The following BNC2 variants were observed in gnomAD, a reference collection of about 807,000 sequenced individuals.
BNC2 encodes basonuclin zinc finger protein 2.
A neutral mutation model predicts 76.3 loss-of-function variants in BNC2; 20 were observed. The ratio of observed to expected loss-of-function variants is 0.26; its 90% CI spans 0.18 to 0.38. The LOEUF (loss-of-function observed/expected upper bound fraction) is 0.38, where lower values mean the gene tolerates loss of function less well. Among genes scored for constraint, BNC2 ranks in the 10% least tolerant of loss-of-function variants. The pLI, the probability that BNC2 is intolerant of heterozygous loss-of-function variation, is 1.00. For missense variants in BNC2, 1,382 were observed against 1,399.8 expected (o/e 0.99, Z 0.20); for synonymous variants, 582 against 514.8 (o/e 1.13, Z -1.77).
chr9:16,657,774 C>T (rs889881169), intron 3 of BNC2, among the ~76,000 whole-genome samples: 1 of 152,128 alleles, frequency 6.6e-6, no homozygotes, highest in Non-Finnish European at 1.5e-5. Flanking sequence ...CATACAAATA[C>T]ACAAATGCAT....
chr9:16,846,830 G>T (rs752149861), intron 1 of BNC2, among the ~76,000 whole-genome samples: 7 of 152,150 alleles, frequency 4.6e-5, no homozygotes, highest in Non-Finnish European at 8.8e-5. Flanking sequence ...TGAGTAAAAA[G>T]AAATCCTATA....
chr9:16,558,514 C>A (rs911066899), intron 4 of BNC2, among the ~76,000 whole-genome samples: 1 of 152,194 alleles, frequency 6.6e-6, no homozygotes, highest in African/African-American at 2.4e-5. Context: ...CCTTGTCCCT[C>A]CACTACCTCT....
intron 3 of BNC2, among the ~76,000 whole-genome samples, chr9:16,706,500 A>T (rs1393049079): frequency 6.6e-6 from 1 of 152,228 alleles, no homozygotes; most frequent in African/African-American, 2.4e-5. Context: ...TAACAAATGA[A>T]GAACATCTTA....
At chr9:16,542,684 A>T (rs1311001171) in intron 5 of BNC2, among the ~76,000 whole-genome samples, 2 of 152,242 alleles carry the variant, frequency 1.3e-5, no homozygotes, top group Non-Finnish European at 2.9e-5. Flanking sequence ...GATGTGGCCT[A>T]ACCATGCATG....
chr9:16,613,560 G>A (rs1055051153), intron 3 of BNC2, among the ~76,000 whole-genome samples: 1 of 152,158 alleles, frequency 6.6e-6, no homozygotes, highest in Non-Finnish European at 1.5e-5. Context: ...TTTCTGAAAA[G>A]GAGATCAGCT....
chr9:16,474,243 G>GA (rs1343050148), intron 5 of BNC2, among the ~76,000 whole-genome samples: 1 of 152,192 alleles, frequency 6.6e-6, no homozygotes, highest in East Asian at 1.9e-4. Flanking sequence ...TATCTCCCAG[G>GA]AAAAAATAAA....
intron 3 of BNC2, among the ~76,000 whole-genome samples, chr9:16,634,590 C>G (rs906683198): frequency 6.6e-6 from 1 of 151,390 alleles, no homozygotes; most frequent in African/African-American, 2.4e-5. Flanking sequence ...CAAGCTCTGC[C>G]TCCCGGATTC....
At chr9:16,744,663 T>G (rs899650992) in intron 1 of BNC2, among the ~76,000 whole-genome samples, 7 of 152,106 alleles carry the variant, frequency 4.6e-5, no homozygotes, top group Non-Finnish European at 1.0e-4. Context: ...GGTTTAAATA[T>G]GACAATGAGA....
At chr9:16,858,864 G>T (rs1462257784) in intron 1 of BNC2, among the ~76,000 whole-genome samples, 1 of 151,034 alleles carries the variant, frequency 6.6e-6, no homozygotes, top group Non-Finnish European at 1.5e-5. Flanking sequence ...AAGAAAAAAA[G>T]AAAAAAGAAA....
At chr9:16,598,173 T>C (rs750996938) in intron 3 of BNC2, among the ~76,000 whole-genome samples, 1 of 152,216 alleles carries the variant, frequency 6.6e-6, no homozygotes, top group Non-Finnish European at 1.5e-5. Flanking sequence ...TTCTAAGAAA[T>C]TGAAATCTGC....
intron 1 of BNC2, among the ~76,000 whole-genome samples, chr9:16,758,360 G>A (rs1202949183): frequency 2.1e-5 from 3 of 142,296 alleles, no homozygotes; most frequent in Middle Eastern, 3.4e-3. Context: ...TTTTTTTTTA[G>A]ATGGAGTTTC....
At chr9:16,581,605 T>C (rs1036971445) in intron 4 of BNC2, among the ~76,000 whole-genome samples, 2 of 152,152 alleles carry the variant, frequency 1.3e-5, no homozygotes, top group Admixed American at 1.3e-4. Flanking sequence ...CACTTTGATC[T>C]TGGAATTCTA....
At chr9:16,652,229 T>C (rs566682860) in intron 3 of BNC2, among the ~76,000 whole-genome samples, 6 of 152,334 alleles carry the variant, frequency 3.9e-5, no homozygotes, top group Non-Finnish European at 7.4e-5. Context: ...AATTGAGTCA[T>C]TGTTTTCAGA....
intron 3 of BNC2, among the ~76,000 whole-genome samples, chr9:16,616,716 G>A (rs1176833191): frequency 6.9e-6 from 1 of 145,050 alleles, no homozygotes; most frequent in African/African-American, 2.5e-5. Flanking sequence ...AAAAATTAAT[G>A]AATGAAAGAA....
At chr9:16,555,864 A>C (rs949370964) in intron 4 of BNC2, among the ~76,000 whole-genome samples, 1 of 152,196 alleles carries the variant, frequency 6.6e-6, no homozygotes, top group East Asian at 1.9e-4. Context: ...TCAACAACTT[A>C]TTCTATAAAG....
chr9:16,691,185 A>G (rs541974392), intron 3 of BNC2, among the ~76,000 whole-genome samples: 2 of 152,340 alleles, frequency 1.3e-5, no homozygotes, highest in East Asian at 3.9e-4. Context: ...AGAGTGCTCA[A>G]AGGGCTTTAC....
intron 1 of BNC2, among the ~76,000 whole-genome samples, chr9:16,836,396 G>C (rs1201779971): frequency 6.6e-6 from 1 of 151,440 alleles, no homozygotes; most frequent in Non-Finnish European, 1.5e-5. Flanking sequence ...CATATTCTTA[G>C]AAACATAAAG....
At chr9:16,572,479 C>A (rs1397181352) in intron 4 of BNC2, among the ~76,000 whole-genome samples, 3 of 152,148 alleles carry the variant, frequency 2.0e-5, no homozygotes, top group African/African-American at 7.2e-5. Context: ...TTTCAATAAA[C>A]CTTTGTTCCA....
At chr9:16,469,315 T>G (rs932684456) in intron 5 of BNC2, among the ~76,000 whole-genome samples, 1 of 152,056 alleles carries the variant, frequency 6.6e-6, no homozygotes, top group Non-Finnish European at 1.5e-5. Context: ...CCGGGGGAGG[T>G]AACTGAATCA....
Sources: gnomAD v4.1 joint callset for allele counts (sites outside exome capture counted in the v4.1 genomes callset) on GRCh38, gnomAD v4.1.1 for gene constraint, MANE v1.5 for transcripts, NCBI Gene and HGNC (gene_info 2026-07-23, HGNC 2026-07-21) for gene names.